The following MFSD11 variants were observed in gnomAD, a reference collection of about 807,000 sequenced individuals.
MFSD11 encodes the protein UNC93-like protein MFSD11.
In MFSD11, 36 loss-of-function variants were observed where a neutral mutation model predicts 53.5. That is an observed-to-expected ratio of 0.67 (90% CI 0.52 to 0.89). MFSD11 has a LOEUF of 0.89. Among genes scored for constraint, MFSD11 ranks in the 40% least tolerant of loss-of-function variants. The pLI, the probability that MFSD11 is intolerant of heterozygous loss-of-function variation, is 0.00. For missense variants in MFSD11, 530 were observed against 543.9 expected, an observed-to-expected ratio of 0.97 and a Z score of 0.25; for synonymous variants, 186 against 184.9, an observed-to-expected ratio of 1.01 and a Z score of -0.05.
chr17:76,801,603 C>T, the MFSD11 span, among the ~76,000 whole-genome samples: 2 of 152,022 alleles, frequency 1.3e-5, no homozygotes, highest in African/African-American at 2.4e-5. Context: ...TGCACCACCA[C>T]GCCTGGCTAA....
At chr17:76,738,837 C>G in intron 1 of MFSD11, 101 bp from the exon 2 acceptor site, 1 of 915,468 alleles carries the variant, frequency 1.1e-6, no homozygotes, top group Non-Finnish European at 1.8e-6. Context: ...ACATTATGAA[C>G]TTTTACTTTA....
chr17:76,792,326 C>G, the MFSD11 span, among the ~76,000 whole-genome samples: 1 of 151,270 alleles, frequency 6.6e-6, no homozygotes, highest in Non-Finnish European at 1.5e-5. Flanking sequence ...ACTATGTTGT[C>G]CAGGCTGGTC....
chr17:76,793,451 G>A, the MFSD11 span, among the ~76,000 whole-genome samples: 1 of 151,508 alleles, frequency 6.6e-6, no homozygotes, highest in Non-Finnish European at 1.5e-5. Context: ...AAGGTTATCT[G>A]TCTTGTTCCC....
intron 9 of MFSD11, 142 bp from the exon 10 acceptor site, chr17:76,769,604 C>A: frequency 1.7e-6 from 1 of 588,040 alleles, no homozygotes; most frequent in Non-Finnish European, 2.9e-6. Context: ...ACATTATGCT[C>A]TGCTTGGGGA....
the MFSD11 span, among the ~76,000 whole-genome samples, chr17:76,793,288 A>C: frequency 6.6e-6 from 1 of 151,490 alleles, no homozygotes; most frequent in South Asian, 2.1e-4. Flanking sequence ...GCCACACCCA[A>C]GGGGGCCATT....
At chr17:76,787,317 A>T in the MFSD11 span, among the ~76,000 whole-genome samples, 1 of 146,094 alleles carries the variant, frequency 6.8e-6, no homozygotes, top group Non-Finnish European at 1.5e-5. Flanking sequence ...TTGTATTTTT[A>T]GTAGAGACGG....
At position 76,776,314 on chromosome 17, in the gene MFSD11, C is replaced by CAGGT; in HGVS notation, c.1050-89_1050-86dup. 2.2e-6 allele frequency: 3 copies of CAGGT among 1,348,978 alleles called. No individual in the cohort carries two copies. The highest frequency in any genetic ancestry group is 3.1e-6 in the Non-Finnish European group (3 of 980,300). The allele number at this position is 1,348,978 out of a possible 1,614,324, so 83.6% of individuals were successfully genotyped here. ...TTTGTTTCATAGTGTTTACAACTTG[C>CAGGT]AGGTAGAATTCTTTTGTGGGTGGGT... On this transcript the variant is annotated intron_variant, in intron 11 of 12. Transcript: ENST00000685175. This position sits in a 1 kb window ranked among gnomAD's most constrained non-coding sequence, Gnocchi z 4.2.
At chr17:76,795,356 G>A in the MFSD11 span, among the ~76,000 whole-genome samples, 1 of 151,502 alleles carries the variant, frequency 6.6e-6, no homozygotes, top group African/African-American at 2.4e-5. Flanking sequence ...AGACGTGGTG[G>A]CGTGAGCCTG....
intron 9 of MFSD11, among the ~76,000 whole-genome samples, chr17:76,768,020 T>C (rs1167220315): frequency 1.3e-5 from 2 of 152,164 alleles, no homozygotes; most frequent in Non-Finnish European, 2.9e-5. Context: ...AAATCATTTC[T>C]GGACAGGTGC....
At chr17:76,775,784 A>G (rs1189772601) in intron 11 of MFSD11, among the ~76,000 whole-genome samples, 2 of 152,182 alleles carry the variant, frequency 1.3e-5, no homozygotes, top group Non-Finnish European at 2.9e-5. Flanking sequence ...AAAAATACCT[A>G]ACTGGTCAGT....
Position 76,776,539 on chromosome 17 carries a change from C to T in MFSD11, c.1183C>T (p.Gln395Ter). ...APAFAIFKFV[Q>*]SICAAVAFFY... ...AGCATTTGCCATCTTCAAGTTTGTT[C>T]AGGTAACCTCTTCAGATTGTGATTG... The change falls in exon 12 of 13, where the codon CAG (glutamine) becomes TAG (stop). Residue 395 changes from glutamine (Q) to a stop codon, truncating the protein, a stop_gained and splice_region_variant. Coordinates refer to ENST00000685175, the MANE Select transcript of MFSD11 (RefSeq NM_001242532.5). LOFTEE classifies it high-confidence loss of function. The surrounding 1 kb of genome is among the most constrained non-coding windows in gnomAD (Gnocchi z 4.2). The T allele has an allele frequency of 6.2e-7, 1 of 1,613,722 alleles. No individual in the cohort carries two copies. Among genetic ancestry groups the T allele is most frequent in the Non-Finnish European group, 8.5e-7 (1 of 1,179,932 alleles).
chr17:76,770,529 C>G (rs181648323), intron 10 of MFSD11, among the ~76,000 whole-genome samples: 15 of 152,292 alleles, frequency 9.8e-5, no homozygotes, highest in African/African-American at 3.6e-4. Flanking sequence ...CAATCCTGTT[C>G]TAACACTTAA....
At chr17:76,768,195 T>G (rs1312488081) in intron 9 of MFSD11, among the ~76,000 whole-genome samples, 1 of 150,516 alleles carries the variant, frequency 6.6e-6, no homozygotes, top group Admixed American at 6.7e-5. Flanking sequence ...CCCCAGCCAC[T>G]CAGGAGGCCG....
At chr17:76,792,713 T>G in the MFSD11 span, among the ~76,000 whole-genome samples, 13 of 151,552 alleles carry the variant, frequency 8.6e-5, no homozygotes, top group East Asian at 2.1e-3. Flanking sequence ...CACCTTGAGA[T>G]GGGGAGATTA....
upstream of MFSD11, chr17:76,737,741 C>G (rs986827470): frequency 6.1e-6 from 1 of 163,666 alleles, no homozygotes; most frequent in African/African-American, 2.4e-5. Flanking sequence ...TCATTTGCCT[C>G]TCCCTGTGAC....
chr17:76,737,364 T>C (rs975491391), upstream of MFSD11: 12 of 599,434 alleles, frequency 2.0e-5, no homozygotes, highest in East Asian at 3.4e-4. Flanking sequence ...CCCGTTTATA[T>C]CGCTCCTCAC....
rs1302397025 is a variant in MFSD11 at position 76,778,295 on chromosome 17, T to C, written c.1293T>C (p.Thr431=). 2 of 1,614,088 alleles carry C rather than the reference T, an allele frequency of 1.2e-6. No individual in the cohort carries two copies. Among genetic ancestry groups the C allele is most frequent in the African/African-American group, 1.3e-5 (1 of 74,926 alleles). The change falls in exon 13 of 13, where the codon ACT becomes ACC. Residue 431 remains threonine (T), a synonymous_variant. Transcript: ENST00000685175. ...FGFFGTISFF[T]VEWEAAAFVA... ...TTTTTGGAACAATTTCTTTCTTCAC[T>C]GTGGAATGGGAAGCTGCCGCCTTTG...
chr17:76,795,470 C>T, the MFSD11 span, among the ~76,000 whole-genome samples: 1 of 151,334 alleles, frequency 6.6e-6, no homozygotes, highest in Non-Finnish European at 1.5e-5. Context: ...GCCTGGGTGA[C>T]AGAACGAGAC....
At chr17:76,771,039 TAAC>T (rs2081339632) in intron 10 of MFSD11, among the ~76,000 whole-genome samples, 1 of 152,180 alleles carries the variant, frequency 6.6e-6, no homozygotes. Flanking sequence ...ACCCTGTCTC[TAAC>T]AACAACAAAA....
Sources: gnomAD v4.1 joint callset for allele counts (sites outside exome capture counted in the v4.1 genomes callset) on GRCh38, gnomAD v4.1.1 for gene constraint, Gnocchi (gnomAD v3.1) non-coding constraint, MANE v1.5 for transcripts, NCBI Gene and HGNC (gene_info 2026-07-23, HGNC 2026-07-21) for gene names.